Variants in CYYR1 observed in about 807,000 individuals in gnomAD.
CYYR1 encodes cysteine and tyrosine rich 1.
Under a neutral mutation model 15.2 loss-of-function variants are expected in CYYR1, and 14 were observed. That is an observed-to-expected ratio of 0.92 (90% CI 0.61 to 1.44). The LOEUF (loss-of-function observed/expected upper bound fraction) is 1.44. Ranked by LOEUF, CYYR1 falls within the 40% of genes most tolerant of loss-of-function variation. The probability of loss-of-function intolerance (pLI) is 0.00; values close to 1 mark genes in which losing one functional copy is unlikely to be tolerated. For synonymous variants in CYYR1, 80 were observed against 77.4 expected (o/e 1.03, Z -0.18); for missense variants, 228 against 209.5 (o/e 1.09, Z -0.54).
At chr21:26,472,571 T>C (rs1020117748) in intron 3 of CYYR1, among the ~76,000 whole-genome samples, 7 of 152,150 alleles carry the variant, frequency 4.6e-5, no homozygotes, top group Non-Finnish European at 8.8e-5. Flanking sequence ...TTACATCTTG[T>C]CCACTGTTTG....
At chr21:26,511,161 C>G (rs2123513973) in intron 2 of CYYR1, among the ~76,000 whole-genome samples, 1 of 152,298 alleles carries the variant, frequency 6.6e-6, no homozygotes, top group African/African-American at 2.4e-5. Flanking sequence ...ACATAGTAAA[C>G]AGATATTTGC....
At chr21:26,473,097 T>A (rs1051838427) in intron 3 of CYYR1, among the ~76,000 whole-genome samples, 1 of 152,190 alleles carries the variant, frequency 6.6e-6, no homozygotes. Flanking sequence ...TCTATTCCAA[T>A]GACCAAGGTG....
chr21:26,498,974 G>A (rs1002750378), intron 2 of CYYR1, among the ~76,000 whole-genome samples: 2 of 152,174 alleles, frequency 1.3e-5, no homozygotes, highest in Non-Finnish European at 2.9e-5. Context: ...AATTCAAGAT[G>A]AGATTTGGTT....
intron 2 of CYYR1, among the ~76,000 whole-genome samples, chr21:26,549,404 TG>T (rs1979218923): frequency 6.6e-6 from 1 of 152,178 alleles, no homozygotes; most frequent in Admixed American, 6.6e-5. Flanking sequence ...ATTTTAATAT[TG>T]TACTCTTTTC....
intron 2 of CYYR1, among the ~76,000 whole-genome samples, chr21:26,549,930 A>G (rs1979261333): frequency 6.6e-6 from 1 of 152,202 alleles, no homozygotes; most frequent in Admixed American, 6.5e-5. Flanking sequence ...AAGAAACTAC[A>G]GGCATACCTC....
intron 2 of CYYR1, among the ~76,000 whole-genome samples, chr21:26,530,987 C>T (rs536653221): frequency 6.6e-6 from 1 of 152,228 alleles, no homozygotes; most frequent in Non-Finnish European, 1.5e-5. Context: ...TGACTACAGC[C>T]AATCAGACAG....
chr21:26,564,248 C>G (rs374721044), intron 2 of CYYR1, among the ~76,000 whole-genome samples: 10 of 151,946 alleles, frequency 6.6e-5, no homozygotes, highest in East Asian at 3.9e-4. Context: ...ACTGGAAATC[C>G]TGAAAATGTA....
rs1335798908 is a variant in CYYR1, at chr21:26,477,707, C to T, written c.334+2565G>A. 7.2e-6 allele frequency: 7 copies of T among 974,840 alleles called. No homozygotes were observed. The Admixed American group carries it at 3.7e-4, about 51-fold the overall frequency. 60.4% of individuals were successfully genotyped at this position (974,840 alleles called of 1,614,324 possible). A position where few individuals can be genotyped will look rare whatever the true frequency, so the allele number is the denominator to read the frequency against. On this transcript the variant is annotated intron_variant, in intron 3 of 3. Coordinates refer to ENST00000652641, the MANE Select transcript of CYYR1 (RefSeq NM_001320768.2). ...CTTTTTTGATCAAGCTAATGAGTATCTAGAACGTTATCTGCAAAGCAATTC... is the reference window on the plus strand; with the variant it reads ...CTTTTTTGATCAAGCTAATGAGTATTTAGAACGTTATCTGCAAAGCAATTC...
intron 2 of CYYR1, chr21:26,564,756 A>G: frequency 8.1e-7 from 1 of 1,230,572 alleles, no homozygotes; most frequent in Non-Finnish European, 1.0e-6. Context: ...AGATGACCAA[A>G]GAATCACAGA....
intron 2 of CYYR1, among the ~76,000 whole-genome samples, chr21:26,505,560 G>A (rs533747062): frequency 2.0e-5 from 3 of 152,326 alleles, no homozygotes; most frequent in South Asian, 4.1e-4. Flanking sequence ...TTAAATGAGT[G>A]TGTGTACATA....
rs774047198 is a variant in CYYR1, at chr21:26,480,497, T to C, written c.177-68A>G. 56 of 1,452,268 alleles carry C rather than the reference T, an allele frequency of 3.9e-5. No individual in the cohort carries two copies. In the Admixed American group the frequency reaches 1.2e-3, roughly 31 times the overall value. The allele number at this position is 1,452,268 out of a possible 1,614,324, so 90.0% of individuals were successfully genotyped here. The stretch of plus-strand genomic sequence containing the variant: ...CATTCTTTAGACTTTCTAGTAGAGC[T>C]CCATGATTATAGGACAAGTGTTTTC... On this transcript the variant is annotated intron_variant, in intron 2 of 3. Transcript: ENST00000652641.
chr21:26,563,095 T>C (rs1466796388), intron 2 of CYYR1, among the ~76,000 whole-genome samples: 1 of 152,142 alleles, frequency 6.6e-6, no homozygotes, highest in East Asian at 1.9e-4. Context: ...CTGATTCTCC[T>C]ATACTAAAGC....
chr21:26,505,288 G>A (rs1166849977), intron 2 of CYYR1, among the ~76,000 whole-genome samples: 1 of 152,078 alleles, frequency 6.6e-6, no homozygotes, highest in Non-Finnish European at 1.5e-5. Context: ...TCCAAAAATT[G>A]TTATCCCCAA....
chr21:26,485,667 T>G (rs2065239571), intron 2 of CYYR1, among the ~76,000 whole-genome samples: 1 of 152,106 alleles, frequency 6.6e-6, no homozygotes, highest in Non-Finnish European at 1.5e-5. Flanking sequence ...AGTTCATTCC[T>G]AGATGAGCAA....
chr21:26,532,459 T>A (rs1364115458), intron 2 of CYYR1, among the ~76,000 whole-genome samples: 2 of 152,164 alleles, frequency 1.3e-5, no homozygotes, highest in Admixed American at 1.3e-4. Context: ...TCCAGCAGAA[T>A]GCTCTTATCC....
intron 3 of CYYR1, chr21:26,471,554 T>C (rs1300898349): frequency 6.6e-6 from 1 of 152,220 alleles, no homozygotes; most frequent in Non-Finnish European, 1.5e-5. Flanking sequence ...TAAAGAGTGG[T>C]ATTTTGAGGA....
At chr21:26,483,248 G>A (rs932943874) in intron 2 of CYYR1, 4 of 160,278 alleles carry the variant, frequency 2.5e-5, no homozygotes, top group African/African-American at 9.6e-5. Flanking sequence ...CATTGATGCA[G>A]TCTCTTAATC....
chr21:26,556,094 T>C (rs149916016), intron 2 of CYYR1, among the ~76,000 whole-genome samples: 2 of 152,316 alleles, frequency 1.3e-5, no homozygotes, highest in Admixed American at 1.3e-4. Context: ...AACAGTGTGA[T>C]TAGAAAGTGA....
chr21:26,545,325 C>G (rs59286515), intron 2 of CYYR1, among the ~76,000 whole-genome samples: 19,628 of 151,932 alleles, frequency 0.13, 2,238 homozygotes, highest in African/African-American at 0.31. Flanking sequence ...TCATTTTGTT[C>G]TGTTCTCTAC....
Sources: allele counts gnomAD v4.1 joint callset (sites outside exome capture counted in the v4.1 genomes callset), GRCh38; gene constraint gnomAD v4.1.1; transcripts MANE v1.5; gene names NCBI Gene and HGNC (gene_info 2026-07-23, HGNC 2026-07-21).